The following ARPC4 variants were observed in gnomAD, a reference collection of about 807,000 sequenced individuals.
ARPC4 encodes actin-related protein 2/3 complex subunit 4.
ARPC4 carries 3 observed loss-of-function variants against 22.8 expected under a neutral mutation model. The observed-to-expected ratio is 0.13, with a 90% CI of 0.06 to 0.34. The LOEUF is 0.34. Ranked by LOEUF, ARPC4 falls within the 10% of genes least tolerant of loss-of-function variation. The probability of loss-of-function intolerance (pLI) is 1.00; values close to 1 mark genes in which losing one functional copy is unlikely to be tolerated. For missense variants in ARPC4, 98 were observed against 211.0 expected (o/e 0.46, Z 3.32); for synonymous variants, 80 against 72.5 (o/e 1.10, Z -0.52).
chr3:9,803,653 C>G, intron 4 of ARPC4, 190 bp from the exon 5 acceptor site: 1 of 762,846 alleles, frequency 1.3e-6, no homozygotes. Context: ...GGTTCAGTTG[C>G]TTGGATCCAA....
chr3:9,795,188 C>T (rs934849739), intron 1 of ARPC4, among the ~76,000 whole-genome samples: 19 of 151,964 alleles, frequency 1.3e-4, no homozygotes, highest in African/African-American at 3.1e-4. Flanking sequence ...TTAGTAGAGA[C>T]GGGGTTTTGC....
chr3:9,800,119 G>A, intron 2 of ARPC4, 66 bp from the exon 3 acceptor site: 1 of 1,532,082 alleles, frequency 6.5e-7, no homozygotes, highest in South Asian at 1.2e-5. Context: ...TCCAGGACCT[G>A]CGTGGGGTCA....
intron 2 of ARPC4, among the ~76,000 whole-genome samples, chr3:9,799,664 A>G (rs2078968282): frequency 6.6e-6 from 1 of 152,130 alleles, no homozygotes; most frequent in Non-Finnish European, 1.5e-5. Context: ...GCTGGTCTCG[A>G]ACTCCTGACC....
intron 5 of ARPC4, chr3:9,804,345 G>T: frequency 4.7e-6 from 1 of 210,568 alleles, no homozygotes; most frequent in Non-Finnish European, 9.6e-6. Context: ...AGTGAAGTCT[G>T]CATGTGAATT....
At chr3:9,796,280 G>C (rs1342114152) in intron 1 of ARPC4, among the ~76,000 whole-genome samples, 1 of 152,212 alleles carries the variant, frequency 6.6e-6, no homozygotes, top group East Asian at 1.9e-4. Flanking sequence ...TGTAATCCCA[G>C]CTACTCGGGA....
intron 3 of ARPC4, 134 bp downstream of exon 3, chr3:9,800,430 T>G: frequency 1.2e-6 from 1 of 803,860 alleles, no homozygotes; most frequent in Non-Finnish European, 1.9e-6. Flanking sequence ...AGCCTCTGCT[T>G]CCTTTTTTTT....
chr3:9,802,378 CT>C (rs55659302), intron 4 of ARPC4, among the ~76,000 whole-genome samples: 12 of 146,614 alleles, frequency 8.2e-5, no homozygotes, highest in African/African-American at 1.8e-4. Flanking sequence ...GTCTCTCTCT[CT>C]TTTTTTTTTT....
chr3:9,796,801 T>C lies in ARPC4; in HGVS notation c.4-858T>C, dbSNP rs1033375174. Among the ~76,000 whole-genome samples the C allele has an allele frequency of 2.6e-4, 39 of 150,676 alleles. 1 individual carries two copies. The East Asian group carries it at 4.5e-3, about 17-fold the overall frequency. The stretch of plus-strand genomic sequence containing the variant: ...CTAAAAATACAAAAAGTTAGCCGGG[T>C]GTGGTGGTGGGCGCCTGTAGTCCCA... On this transcript the variant is annotated intron_variant, in intron 1 of 5. Transcript: ENST00000397261.
At chr3:9,792,729 G>C (rs527257995), upstream of ARPC4, 3 of 1,236,800 alleles carry the variant, frequency 2.4e-6, no homozygotes, top group Non-Finnish European at 3.0e-6. Flanking sequence ...GAGAAAGGAT[G>C]GGGGTACAGA....
In ARPC4 at chr3:9,797,570, A is replaced by C. The variant is rs1403975044; in HGVS notation, c.4-89A>C. The C allele has an allele frequency of 4.2e-6, 6 of 1,444,450 alleles. 1 individual carries two copies. Among genetic ancestry groups the C allele is most frequent in the Non-Finnish European group, 5.7e-6 (6 of 1,043,670 alleles). The allele number at this position is 1,444,450 out of a possible 1,614,324, so 89.5% of individuals were successfully genotyped here. ...TTAAGAGCCTTGCACCCTCAGTGCT[A>C]CCTGGCTTCATGGGAGCTGGAATAG... On this transcript the variant is annotated intron_variant, in intron 1 of 5. Transcript: ENST00000397261.
intron 1 of ARPC4, among the ~76,000 whole-genome samples, chr3:9,795,479 A>G (rs2078863012): frequency 6.6e-6 from 1 of 152,084 alleles, no homozygotes; most frequent in Non-Finnish European, 1.5e-5. Context: ...TACCCCCTTA[A>G]GAGAAAAGCT....
At chr3:9,802,601 T>C (rs1159869286) in intron 4 of ARPC4, among the ~76,000 whole-genome samples, 2 of 151,380 alleles carry the variant, frequency 1.3e-5, no homozygotes, top group Non-Finnish European at 2.9e-5. Flanking sequence ...GGTCTCGATC[T>C]CCTGACCTCG....
rs1012759990 is a variant in ARPC4, at chr3:9,798,301, A to C, written c.122+524A>C. On this transcript the variant is annotated intron_variant, in intron 2 of 5. Transcript: ENST00000397261. ...TTTTCCCCTTTAAAATTTAATCTGG[A>C]GGCCTGGTGCAGTGGTTCACCCCTG... Among the ~76,000 whole-genome samples, 3 of 151,944 alleles carry C rather than the reference A, an allele frequency of 2.0e-5. No homozygotes were observed. In the East Asian group the frequency reaches 5.8e-4, roughly 29 times the overall value.
Position 9,797,736 on chromosome 3 carries a change from C to A in ARPC4, c.81C>A (p.Ser27=). The A allele has an allele frequency of 6.2e-7, 1 of 1,614,162 alleles. No individual in the cohort carries two copies. The highest frequency in any genetic ancestry group is 1.7e-5 in the Admixed American group (1 of 60,020). ...QAALCLENFS[S]QVVERHNKPE... Reference sequence around the variant, plus strand: ...CCCTCTGCCTGGAGAACTTCTCCTCCCAGGTTGTGGAACGACACAACAAGC... The same window carrying A: ...CCCTCTGCCTGGAGAACTTCTCCTCACAGGTTGTGGAACGACACAACAAGC... The change falls in exon 2 of 6, where the codon TCC becomes TCA. Residue 27 remains serine (S), a synonymous_variant. Coordinates refer to ENST00000397261, the MANE Select transcript of ARPC4 (RefSeq NM_005718.5).
intron 3 of ARPC4, among the ~76,000 whole-genome samples, chr3:9,800,663 G>A (rs1226433769): frequency 2.0e-5 from 3 of 152,136 alleles, no homozygotes; most frequent in Admixed American, 6.5e-5. Context: ...GACCGCAGGT[G>A]ATGGGCCCGC....
chr3:9,797,655 A>G lies in ARPC4; in HGVS notation c.4-4A>G, dbSNP rs757924495. 6 of 1,612,920 alleles carry G rather than the reference A, an allele frequency of 3.7e-6. No individual in the cohort carries two copies. Among genetic ancestry groups the G allele is most frequent in the South Asian group, 2.2e-5 (2 of 91,000 alleles). ...TTCCCTTTCCTCTGTGTTATTTCCT[A>G]TAGACTGCCACTCTCCGCCCCTACC... On this transcript the variant is annotated splice_polypyrimidine_tract_variant and splice_region_variant and intron_variant, in intron 1 of 5. Coordinates refer to ENST00000397261, the MANE Select transcript of ARPC4 (RefSeq NM_005718.5).
chr3:9,794,934 ATAGT>A (rs1553710519), intron 1 of ARPC4, among the ~76,000 whole-genome samples: 1 of 152,190 alleles, frequency 6.6e-6, no homozygotes, highest in Non-Finnish European at 1.5e-5. Flanking sequence ...GTGTGTATCA[ATAGT>A]TACTCTTTTT....
At chr3:9,806,127 C>G (rs1319787195) in intron 5 of ARPC4, 83 bp from the exon 6 acceptor site, 3 of 1,506,376 alleles carry the variant, frequency 2.0e-6, no homozygotes, top group Non-Finnish European at 9.2e-7. Context: ...AGTGGCAGCT[C>G]TCAGGTTCAT....
At chr3:9,802,520 C>T (rs1435541688) in intron 4 of ARPC4, among the ~76,000 whole-genome samples, 4 of 150,116 alleles carry the variant, frequency 2.7e-5, no homozygotes, top group South Asian at 2.1e-4. Context: ...GGACTACAGG[C>T]GCCCACCACC....
Sources: gnomAD v4.1 joint callset for allele counts (sites outside exome capture counted in the v4.1 genomes callset) on GRCh38, gnomAD v4.1.1 for gene constraint, MANE v1.5 for transcripts, NCBI Gene and HGNC (gene_info 2026-07-23, HGNC 2026-07-21) for gene names.